ICA1L: variants seen among roughly 807,000 people sequenced by gnomAD.
ICA1L encodes islet cell autoantigen 1 like, also known as islet cell autoantigen 1-like protein.
ICA1L carries 50 observed loss-of-function variants against 61.3 expected under a neutral mutation model. The ratio of observed to expected loss-of-function variants is 0.82; its 90% CI spans 0.65 to 1.03. The LOEUF (loss-of-function observed/expected upper bound fraction) is 1.03, where lower values mean the gene tolerates loss of function less well. Among genes scored for constraint, ICA1L ranks in the 50% least tolerant of loss-of-function variants. The pLI is 0.00. For synonymous variants in ICA1L, 161 were observed against 191.3 expected, an observed-to-expected ratio of 0.84 and a Z score of 1.31; for missense variants, 508 against 556.7, an observed-to-expected ratio of 0.91 and a Z score of 0.88.
At position 202,849,050 on chromosome 2, in the gene ICA1L, C is replaced by A. The variant is rs1395961597; in HGVS notation, c.-7-20034G>T. 6.6e-6 allele frequency among the ~76,000 whole-genome samples: 1 copy of A among 152,052 alleles called. No individual in the cohort carries two copies. Among genetic ancestry groups the A allele is most frequent in the African/African-American group, 2.4e-5 (1 of 41,396 alleles). On this transcript the variant is annotated intron_variant, in intron 1 of 12. Coordinates refer to ENST00000358299, the MANE Select transcript of ICA1L (RefSeq NM_001288622.3). The surrounding 1 kb of genome is among the most constrained non-coding windows in gnomAD (Gnocchi z 4.5). ...AGTGCAAGGAGCTGGGGCCCTCCCT[C>A]CCCCAGCCAAGGGAAGCCACGAGGG...
intron 5 of ICA1L, among the ~76,000 whole-genome samples, chr2:202,818,318 G>C (rs1027331967): frequency 2.0e-5 from 3 of 152,134 alleles, no homozygotes; most frequent in African/African-American, 7.2e-5. Flanking sequence ...GAGCATTCCA[G>C]AACTAGGGAC....
At chr2:202,811,520 G>C (rs1693377665) in intron 9 of ICA1L, among the ~76,000 whole-genome samples, 1 of 151,840 alleles carries the variant, frequency 6.6e-6, no homozygotes, top group African/African-American at 2.4e-5. Context: ...AAATTAGCTG[G>C]GCATGGTGGC....
At chr2:202,811,199 C>A (rs1693367110) in intron 9 of ICA1L, among the ~76,000 whole-genome samples, 1 of 152,064 alleles carries the variant, frequency 6.6e-6, no homozygotes, top group South Asian at 2.1e-4. Context: ...TGATGTTTCC[C>A]CCAGAAGCCC....
intron 1 of ICA1L, among the ~76,000 whole-genome samples, chr2:202,845,626 T>TAA (rs78276440): frequency 2.9e-4 from 41 of 140,300 alleles, no homozygotes; most frequent in Non-Finnish European, 3.6e-4. Context: ...GAATCTGTCT[T>TAA]AAAAAAAAAA....
At chr2:202,789,401 A>G (rs956188693) in intron 10 of ICA1L, among the ~76,000 whole-genome samples, 1 of 152,214 alleles carries the variant, frequency 6.6e-6, no homozygotes, top group African/African-American at 2.4e-5. Context: ...AGACTTTAAT[A>G]TACCACTCTG....
chr2:202,787,614 T>A (rs775051250), intron 11 of ICA1L, among the ~76,000 whole-genome samples: 10 of 152,246 alleles, frequency 6.6e-5, no homozygotes, highest in Admixed American at 2.0e-4. Flanking sequence ...CATGCTGCTG[T>A]CATAGAAAGT....
intron 1 of ICA1L, among the ~76,000 whole-genome samples, chr2:202,850,887 G>C (rs554963279): frequency 6.6e-6 from 1 of 152,142 alleles, no homozygotes; most frequent in Admixed American, 6.5e-5. Context: ...GGGAGCAAGA[G>C]AGAAAGGTCA....
intron 9 of ICA1L, among the ~76,000 whole-genome samples, chr2:202,806,476 T>A (rs1693228889): frequency 6.6e-6 from 1 of 151,320 alleles, no homozygotes; most frequent in African/African-American, 2.4e-5. Flanking sequence ...CGAAACCCAG[T>A]CTCCAAAAAA....
intron 1 of ICA1L, among the ~76,000 whole-genome samples, chr2:202,863,861 C>G (rs986183281): frequency 6.6e-6 from 1 of 150,954 alleles, no homozygotes; most frequent in Non-Finnish European, 1.5e-5. Context: ...AGGAACGTCA[C>G]TATAGATCCT....
At chr2:202,864,722 C>CA (rs2105892392) in intron 1 of ICA1L, among the ~76,000 whole-genome samples, 1 of 152,034 alleles carries the variant, frequency 6.6e-6, no homozygotes, top group South Asian at 2.1e-4. Flanking sequence ...TTTAGCATTT[C>CA]AAAATCAGTC....
chr2:202,804,642 G>C (rs1314782627), intron 9 of ICA1L, among the ~76,000 whole-genome samples: 1 of 152,132 alleles, frequency 6.6e-6, no homozygotes, highest in Non-Finnish European at 1.5e-5. Flanking sequence ...TATAGAAGAC[G>C]TAGAGCAACA....
At chr2:202,863,490 G>C (rs1331252099) in intron 1 of ICA1L, among the ~76,000 whole-genome samples, 3 of 151,852 alleles carry the variant, frequency 2.0e-5, no homozygotes, top group African/African-American at 7.3e-5. Context: ...CTTCTAGTAA[G>C]ACTGATCAAC....
At chr2:202,867,668 A>G (rs1381855282) in intron 1 of ICA1L, among the ~76,000 whole-genome samples, 2 of 152,218 alleles carry the variant, frequency 1.3e-5, no homozygotes, top group Non-Finnish European at 2.9e-5. Context: ...AATTAAAACC[A>G]CAAAGAGATA....
At position 202,840,508 on chromosome 2, in the gene ICA1L, C is replaced by T. The variant is rs549324707; in HGVS notation, c.-7-11492G>A. 440 of 534,368 alleles carry T rather than the reference C, an allele frequency of 8.2e-4. 1 individual carries two copies. The highest frequency in any genetic ancestry group is 1.2e-3 in the Non-Finnish European group (318 of 272,208). 33.1% of individuals were successfully genotyped at this position (534,368 alleles called of 1,614,324 possible). A position where few individuals can be genotyped will look rare whatever the true frequency, so the allele number is the denominator to read the frequency against. On this transcript the variant is annotated intron_variant, in intron 1 of 12. Transcript: ENST00000358299. Reference sequence around the variant, plus strand: ...TGGGGCTTGTGAGACCCTCATAGGCCGAGCTCAGACCACCTGCATAGCCAC... The same window carrying T: ...TGGGGCTTGTGAGACCCTCATAGGCTGAGCTCAGACCACCTGCATAGCCAC...
chr2:202,812,097 A>C (rs547651624), intron 8 of ICA1L, among the ~76,000 whole-genome samples: 1 of 152,328 alleles, frequency 6.6e-6, no homozygotes, highest in Non-Finnish European at 1.5e-5. Flanking sequence ...TTTCATTTTC[A>C]AGCCTTGAAA....
chr2:202,868,012 T>G (rs888414223), intron 1 of ICA1L, among the ~76,000 whole-genome samples: 2 of 152,124 alleles, frequency 1.3e-5, no homozygotes, highest in African/African-American at 4.8e-5. Flanking sequence ...ACAGAAAAAC[T>G]ACAAACCAAG....
At chr2:202,812,072 C>T (rs921657645) in intron 8 of ICA1L, among the ~76,000 whole-genome samples, 1 of 152,074 alleles carries the variant, frequency 6.6e-6, no homozygotes, top group South Asian at 2.1e-4. Context: ...ACCATCAAAA[C>T]CATAGAGTAA....
At chr2:202,794,078 C>G (rs1373746108) in intron 10 of ICA1L, among the ~76,000 whole-genome samples, 1 of 151,196 alleles carries the variant, frequency 6.6e-6, no homozygotes, top group African/African-American at 2.4e-5. Flanking sequence ...GGAATGCAAA[C>G]ATGATATAGT....
chr2:202,781,042 G>A (rs1692386160), intron 12 of ICA1L, among the ~76,000 whole-genome samples: 2 of 152,150 alleles, frequency 1.3e-5, no homozygotes, highest in Admixed American at 6.5e-5. Flanking sequence ...TGAAAAGTAT[G>A]TAAATATTGT....
Sources: gnomAD v4.1 joint callset for allele counts (sites outside exome capture counted in the v4.1 genomes callset) on GRCh38, gnomAD v4.1.1 for gene constraint, Gnocchi (gnomAD v3.1) non-coding constraint, MANE v1.5 for transcripts, NCBI Gene and HGNC (gene_info 2026-07-23, HGNC 2026-07-21) for gene names.